INO80D: variants seen among roughly 807,000 people sequenced by gnomAD.
The protein encoded by INO80D is INO80 complex subunit D.
Under a neutral mutation model 87.6 loss-of-function variants are expected in INO80D, and 21 were observed. The observed-to-expected ratio is 0.24, with a 90% CI of 0.17 to 0.35. The LOEUF is 0.35. Ranked by LOEUF, INO80D falls within the 10% of genes least tolerant of loss-of-function variation. The pLI is 1.00. For synonymous variants in INO80D, 440 were observed against 491.0 expected (o/e 0.90, Z 1.37); for missense variants, 982 against 1,280.7 (o/e 0.77, Z 3.56).
At chr2:206,030,371 G>A (rs1275325294) in intron 5 of INO80D, among the ~76,000 whole-genome samples, 2 of 152,022 alleles carry the variant, frequency 1.3e-5, no homozygotes, top group African/African-American at 4.8e-5. Context: ...ACTGAGGCAG[G>A]AGAATCATTT....
At position 206,062,887 on chromosome 2, in the gene INO80D, T is replaced by G; in HGVS notation, c.130A>C (p.Lys44Gln). Reference protein sequence around the residue: ...AFCIRHVLEDKTAPFKQCEYV... With the variant: ...AFCIRHVLEDQTAPFKQCEYV... ...TCACATTGCTTGAAGGGGGCAGTCT[T>G]GTCCTCCAGAACGTGTCTGATACAG... The change falls in exon 3 of 11, where the codon AAG becomes CAG. Residue 44 changes from lysine to glutamine, a missense_variant. By Grantham distance (53) the Lys-to-Gln change is moderately conservative (BLOSUM62 1). Coordinates refer to ENST00000403263, the MANE Select transcript of INO80D (RefSeq NM_017759.5). This position sits in a 1 kb window ranked among gnomAD's most constrained non-coding sequence, Gnocchi z 4.6. 6.2e-7 allele frequency: 1 copy of G among 1,613,586 alleles called. No individual in the cohort carries two copies. The highest frequency in any genetic ancestry group is 8.5e-7 in the Non-Finnish European group (1 of 1,179,802).
intron 1 of INO80D, among the ~76,000 whole-genome samples, chr2:206,079,448 A>G (rs1690214709): frequency 6.6e-6 from 1 of 152,120 alleles, no homozygotes; most frequent in African/African-American, 2.4e-5. Flanking sequence ...ACTAAGAACC[A>G]CTGACTAGCC....
chr2:206,029,672 G>A (rs984987367), intron 5 of INO80D, among the ~76,000 whole-genome samples: 11 of 151,894 alleles, frequency 7.2e-5, no homozygotes, highest in Non-Finnish European at 1.3e-4. Flanking sequence ...GCACATTCTC[G>A]TCAGTATACT....
intron 10 of INO80D, among the ~76,000 whole-genome samples, chr2:206,006,729 T>C (rs1044956457): frequency 4.1e-5 from 6 of 146,768 alleles, no homozygotes; most frequent in African/African-American, 1.5e-4. Flanking sequence ...TGTTCAAAAA[T>C]AAAGCAAAAG....
chr2:206,067,320 A>G lies in INO80D; in HGVS notation c.-123-4076T>C, dbSNP rs1372438731. ...ACAAAGACTGGGAAAGGTAGGGGAA[A>G]GAAGAGAATATGGAGAGATTTGTTA... On this transcript the variant is annotated intron_variant, in intron 1 of 10. Transcript: ENST00000403263. Among the ~76,000 whole-genome samples the G allele has an allele frequency of 3.9e-5, 6 of 152,214 alleles. 1 individual carries two copies. The highest frequency in any genetic ancestry group is 3.9e-4 in the Admixed American group (6 of 15,276).
intron 5 of INO80D, among the ~76,000 whole-genome samples, chr2:206,031,953 T>G (rs1395907491): frequency 4.6e-5 from 7 of 152,100 alleles, no homozygotes; most frequent in Non-Finnish European, 8.8e-5. Context: ...GCAGGAGAAG[T>G]TTCCGACCTT....
intron 1 of INO80D, among the ~76,000 whole-genome samples, chr2:206,078,771 C>G (rs1299116197): frequency 6.6e-6 from 1 of 151,972 alleles, no homozygotes; most frequent in Admixed American, 6.6e-5. Context: ...ATGGTGAAAC[C>G]CCGTCTCTAC....
chr2:206,011,260 C>T (rs1452586492), intron 8 of INO80D, among the ~76,000 whole-genome samples: 1 of 152,166 alleles, frequency 6.6e-6, no homozygotes. Flanking sequence ...GTGCTGATCT[C>T]AGGAGGAAGT....
intron 4 of INO80D, among the ~76,000 whole-genome samples, chr2:206,047,499 G>A (rs995973616): frequency 2.0e-5 from 3 of 152,050 alleles, no homozygotes; most frequent in Non-Finnish European, 2.9e-5. Context: ...GATTACAGGC[G>A]TGAGCCACCA....
chr2:206,039,840 A>G (rs1337646887), intron 5 of INO80D, among the ~76,000 whole-genome samples: 1 of 151,488 alleles, frequency 6.6e-6, no homozygotes, highest in Non-Finnish European at 1.5e-5. Context: ...AAAGAAAGAA[A>G]GAAAAAATAT....
At position 205,998,754 on chromosome 2, in the gene INO80D, A is replaced by G. The variant is rs1687853128; in HGVS notation, c.*5614T>C. On this transcript the variant is annotated 3_prime_UTR_variant, in exon 11 of 11. Coordinates refer to ENST00000403263, the MANE Select transcript of INO80D (RefSeq NM_017759.5). Reference sequence around the variant, plus strand: ...AGTCCTATGCAAGACACTGTGGGCTACAAAACCAAATGTTTCCTCTTTCTT... The same window carrying G: ...AGTCCTATGCAAGACACTGTGGGCTGCAAAACCAAATGTTTCCTCTTTCTT... 1 of 152,236 alleles carries G rather than the reference A, an allele frequency of 6.6e-6. No individual in the cohort carries two copies. The highest frequency in any genetic ancestry group is 1.5e-5 in the Non-Finnish European group (1 of 68,044). 9.4% of individuals were successfully genotyped at this position (152,236 alleles called of 1,614,324 possible).
At position 206,003,923 on chromosome 2, in the gene INO80D, C is replaced by A. The variant is rs1207377986; in HGVS notation, c.*445G>T. On this transcript the variant is annotated 3_prime_UTR_variant, in exon 11 of 11. Transcript: ENST00000403263. ...GTGCTAGGTCAGAATCTTGACCTGCCACACACCATTTGCTGTCTCTTATAC... is the reference window on the plus strand; with the variant it reads ...GTGCTAGGTCAGAATCTTGACCTGCAACACACCATTTGCTGTCTCTTATAC... The A allele has an allele frequency of 5.0e-5, 9 of 181,282 alleles. No individual in the cohort carries two copies. In the East Asian group the frequency reaches 1.1e-3, roughly 23 times the overall value. 11.2% of individuals were successfully genotyped at this position (181,282 alleles called of 1,614,324 possible). A position where few individuals can be genotyped will look rare whatever the true frequency, so the allele number is the denominator to read the frequency against.
Position 206,062,773 on chromosome 2 carries a change from G to C in INO80D, c.218+26C>G. ...TTCCAAGCCTGTTAATGAAATCAAG[G>C]ATTGATTCTCATGATTAGCCCTTAC... On this transcript the variant is annotated intron_variant, in intron 3 of 10. Coordinates refer to ENST00000403263, the MANE Select transcript of INO80D (RefSeq NM_017759.5). The surrounding 1 kb of genome is among the most constrained non-coding windows in gnomAD (Gnocchi z 4.6). 6.4e-7 allele frequency: 1 copy of C among 1,555,846 alleles called. No homozygotes were observed. Among genetic ancestry groups the C allele is most frequent in the Non-Finnish European group, 8.7e-7 (1 of 1,145,942 alleles).
intron 9 of INO80D, among the ~76,000 whole-genome samples, chr2:206,009,100 A>G (rs887682874): frequency 6.6e-6 from 1 of 152,220 alleles, no homozygotes; most frequent in Non-Finnish European, 1.5e-5. Flanking sequence ...ACTTGAGGTC[A>G]AGAGTTCCAG....
chr2:206,080,982 T>C (rs940782098), intron 1 of INO80D, among the ~76,000 whole-genome samples: 2 of 150,752 alleles, frequency 1.3e-5, no homozygotes, highest in African/African-American at 4.9e-5. Context: ...GAAAAAGTTA[T>C]GCACCAAGAA....
intron 5 of INO80D, among the ~76,000 whole-genome samples, chr2:206,035,966 C>T (rs1688881100): frequency 6.6e-6 from 1 of 152,018 alleles, no homozygotes; most frequent in Admixed American, 6.6e-5. Context: ...GGGCAACAAA[C>T]ATATGAAAAA....
intron 1 of INO80D, chr2:206,084,872 C>T (rs1301912153): frequency 6.6e-6 from 1 of 152,320 alleles, no homozygotes; most frequent in Admixed American, 6.5e-5. Flanking sequence ...CCCCAAAAAC[C>T]CAGTCACTAA....
At chr2:206,012,867 CAA>C (rs71035432) in intron 8 of INO80D, among the ~76,000 whole-genome samples, 6 of 85,720 alleles carry the variant, frequency 7.0e-5, no homozygotes, top group Admixed American at 2.6e-4. Flanking sequence ...AGACTTGTCT[CAA>C]AAAAAAAAAA....
Position 205,995,693 on chromosome 2 carries a change from CT to C in INO80D, c.*8674del, listed in dbSNP as rs1559422694. ...ACATGCTCTGACATGTATATATACA[CT>C]TTTGTCTGTGTGTGCATAAGAGCTT... On this transcript the variant is annotated 3_prime_UTR_variant, in exon 11 of 11. Transcript: ENST00000403263. 1 of 152,110 alleles carries C rather than the reference CT, an allele frequency of 6.6e-6. No individual in the cohort carries two copies. The highest frequency in any genetic ancestry group is 1.5e-5 in the Non-Finnish European group (1 of 67,986). 9.4% of individuals were successfully genotyped at this position (152,110 alleles called of 1,614,324 possible). A position where few individuals can be genotyped will look rare whatever the true frequency, so the allele number is the denominator to read the frequency against.
Sources: allele counts gnomAD v4.1 joint callset (sites outside exome capture counted in the v4.1 genomes callset), GRCh38; gene constraint gnomAD v4.1.1; non-coding constraint Gnocchi (gnomAD v3.1); transcripts MANE v1.5; gene names NCBI Gene and HGNC (gene_info 2026-07-23, HGNC 2026-07-21).